MFAP3L: variants seen among roughly 807,000 people sequenced by gnomAD.
MFAP3L encodes the protein microfibrillar-associated protein 3-like.
Under a neutral mutation model 20.0 loss-of-function variants are expected in MFAP3L, and 5 were observed. The observed-to-expected ratio is 0.25, with a 90% CI of 0.13 to 0.53. MFAP3L has a LOEUF of 0.53. MFAP3L is among the 20% of genes least tolerant of loss of function. The pLI, the probability that MFAP3L is intolerant of heterozygous loss-of-function variation, is 0.96. For synonymous variants in MFAP3L, 219 were observed against 213.0 expected (o/e 1.03, Z -0.25); for missense variants, 409 against 527.5 (o/e 0.78, Z 2.20).
chr4:170,022,045 C>T (rs149036078), intron 1 of MFAP3L, among the ~76,000 whole-genome samples: 100 of 152,278 alleles, frequency 6.6e-4, no homozygotes, highest in African/African-American at 2.3e-3. Context: ...TCCTTGCTCA[C>T]GTGTGCATGG....
In MFAP3L at chr4:169,988,113, C is replaced by G. The variant is rs1302345746; in HGVS notation, c.*3265G>C. ...ATGAGACATTCAGAGATTTTTAGAG[C>G]GATTTCTAGAAGCTATATATCACAT... is the stretch of plus-strand genomic sequence containing the variant. On this transcript the variant is annotated 3_prime_UTR_variant, in exon 3 of 3. Coordinates refer to ENST00000361618, the MANE Select transcript of MFAP3L (RefSeq NM_021647.8). The G allele has an allele frequency of 6.6e-6, 1 of 152,134 alleles. No homozygotes were observed. The highest frequency in any genetic ancestry group is 2.1e-4 in the South Asian group (1 of 4,824). The allele number at this position is 152,134 out of a possible 1,614,324, so 9.4% of individuals were successfully genotyped here.
At chr4:170,008,387 T>C (rs1739176307) in intron 1 of MFAP3L, among the ~76,000 whole-genome samples, 1 of 152,212 alleles carries the variant, frequency 6.6e-6, no homozygotes, top group Non-Finnish European at 1.5e-5. Flanking sequence ...GAATTAATAG[T>C]TTTAGTAAGA....
At chr4:169,994,250 T>C in intron 2 of MFAP3L, 1 of 985,274 alleles carries the variant, frequency 1.0e-6, no homozygotes, top group Non-Finnish European at 1.2e-6. Flanking sequence ...GGTGAGAAGG[T>C]GAGGTTATTT....
rs974923781 is a variant in MFAP3L at position 170,026,177 on chromosome 4, C to G, written c.-134+57G>C. 16 of 952,332 alleles carry G rather than the reference C, an allele frequency of 1.7e-5. No individual in the cohort carries two copies. In the African/African-American group the frequency reaches 2.5e-4, roughly 15 times the overall value. 59.0% of individuals were successfully genotyped at this position (952,332 alleles called of 1,614,324 possible). On this transcript the variant is annotated intron_variant, in intron 1 of 2. Transcript: ENST00000361618. ...CGCCGACTCGGCCGCCGACCCGGTGCGGGGCTGGCTCCCACCCGTGCCCCT... is the reference window on the plus strand; with the variant it reads ...CGCCGACTCGGCCGCCGACCCGGTGGGGGGCTGGCTCCCACCCGTGCCCCT...
At chr4:170,026,082 C>T (rs1271844569) in intron 1 of MFAP3L, among the ~76,000 whole-genome samples, 152 bp downstream of exon 1, 1 of 152,106 alleles carries the variant, frequency 6.6e-6, no homozygotes, top group Non-Finnish European at 1.5e-5. Flanking sequence ...CCGGACCCTG[C>T]GGCGTCTCGC....
chr4:169,997,344 A>ATT (rs146888758), intron 2 of MFAP3L, among the ~76,000 whole-genome samples: 21 of 152,114 alleles, frequency 1.4e-4, no homozygotes, highest in African/African-American at 5.1e-4. Context: ...CCCTAAATTA[A>ATT]TTTTTTTCAA....
intron 1 of MFAP3L, among the ~76,000 whole-genome samples, chr4:170,012,004 T>C (rs1384626953): frequency 2.0e-5 from 3 of 151,934 alleles, no homozygotes; most frequent in African/African-American, 4.8e-5. Flanking sequence ...GAGGGGGAAG[T>C]AGGTTGGAAA....
intron 1 of MFAP3L, among the ~76,000 whole-genome samples, chr4:170,018,812 C>T (rs1236760004): frequency 6.6e-5 from 10 of 152,188 alleles, no homozygotes; most frequent in African/African-American, 2.4e-4. Context: ...AACACCTTCC[C>T]GCCAACGTAG....
chr4:170,012,799 T>C (rs1739463847), intron 1 of MFAP3L, among the ~76,000 whole-genome samples: 2 of 152,214 alleles, frequency 1.3e-5, no homozygotes, highest in African/African-American at 4.8e-5. Context: ...AATTTCCAGC[T>C]ACTTAATGGG....
intron 2 of MFAP3L, among the ~76,000 whole-genome samples, chr4:169,996,722 A>G (rs947823285): frequency 2.0e-5 from 3 of 152,176 alleles, no homozygotes; most frequent in African/African-American, 7.2e-5. Context: ...GCTGGATTAC[A>G]GGAGGACCCC....
chr4:169,996,420 C>T (rs1288735198), intron 2 of MFAP3L, among the ~76,000 whole-genome samples: 1 of 152,084 alleles, frequency 6.6e-6, no homozygotes, highest in African/African-American at 2.4e-5. Context: ...CGACCCCTGA[C>T]TGCAATAAAA....
intron 1 of MFAP3L, among the ~76,000 whole-genome samples, chr4:170,013,330 C>T (rs1739499467): frequency 6.6e-6 from 1 of 152,012 alleles, no homozygotes; most frequent in African/African-American, 2.4e-5. Flanking sequence ...CTCAAGGGAC[C>T]TTTACTACAG....
chr4:170,002,358 G>T (rs1418178859), intron 2 of MFAP3L: 6 of 571,264 alleles, frequency 1.1e-5, no homozygotes, highest in Middle Eastern at 8.7e-4. Context: ...TCACTGTAGG[G>T]CTTATTATAA....
chr4:170,005,953 C>T lies in MFAP3L; in HGVS notation c.-76G>A. The T allele has an allele frequency of 6.5e-7, 1 of 1,528,346 alleles. No homozygotes were observed. The allele number at this position is 1,528,346 out of a possible 1,614,324, so 94.7% of individuals were successfully genotyped here. A position where few individuals can be genotyped will look rare whatever the true frequency, so the allele number is the denominator to read the frequency against. The stretch of plus-strand genomic sequence containing the variant: ...CTTCTATCAGACAACACACTGTTCA[C>T]AGCAGGTCATGGGACAAACCTGTCC... On this transcript the variant is annotated 5_prime_UTR_variant, in exon 2 of 3. It adds an upstream start codon to the 5' untranslated region. Coordinates refer to ENST00000361618, the MANE Select transcript of MFAP3L (RefSeq NM_021647.8).
intron 2 of MFAP3L, among the ~76,000 whole-genome samples, chr4:169,996,485 T>C (rs200526522): frequency 4.0e-5 from 6 of 151,550 alleles, no homozygotes; most frequent in Non-Finnish European, 7.4e-5. Context: ...CATCATGTGG[T>C]TAAGTATAAT....
intron 1 of MFAP3L, among the ~76,000 whole-genome samples, chr4:170,022,540 C>T (rs1464777002): frequency 1.3e-5 from 2 of 152,164 alleles, no homozygotes; most frequent in South Asian, 2.1e-4. Flanking sequence ...ATTTGCTTTC[C>T]ATGGTTCCTG....
At chr4:170,017,302 A>G (rs1033347559) in intron 1 of MFAP3L, among the ~76,000 whole-genome samples, 3 of 152,182 alleles carry the variant, frequency 2.0e-5, no homozygotes, top group African/African-American at 7.2e-5. Flanking sequence ...TGAAAAACAG[A>G]TCAGAAGAGA....
At chr4:170,009,052 T>C (rs1739214308) in intron 1 of MFAP3L, among the ~76,000 whole-genome samples, 1 of 152,172 alleles carries the variant, frequency 6.6e-6, no homozygotes, top group African/African-American at 2.4e-5. Flanking sequence ...ATGTACCTTT[T>C]CAGCTTGTTG....
At chr4:169,996,063 T>C (rs983950751) in intron 2 of MFAP3L, among the ~76,000 whole-genome samples, 3 of 116,114 alleles carry the variant, frequency 2.6e-5, no homozygotes, top group African/African-American at 3.4e-5. Flanking sequence ...TCTCAGCTCC[T>C]GTTCTGGAAA....
Sources: allele counts gnomAD v4.1 joint callset (sites outside exome capture counted in the v4.1 genomes callset), GRCh38; gene constraint gnomAD v4.1.1; transcripts MANE v1.5; gene names NCBI Gene and HGNC (gene_info 2026-07-23, HGNC 2026-07-21).